Variants in MAP2K4 observed in about 807,000 individuals in gnomAD.
MAP2K4 encodes dual specificity mitogen-activated protein kinase kinase 4.
In MAP2K4, 4 loss-of-function variants were observed where a neutral mutation model predicts 48.5. The ratio of observed to expected loss-of-function variants is 0.08; its 90% CI spans 0.04 to 0.19. The LOEUF (loss-of-function observed/expected upper bound fraction) is 0.19, where lower values mean the gene tolerates loss of function less well. Ranked by LOEUF, MAP2K4 falls within the 10% of genes least tolerant of loss-of-function variation. The pLI is 1.00. For missense variants in MAP2K4, 258 were observed against 493.3 expected (o/e 0.52, Z 4.52); for synonymous variants, 166 against 173.1 (o/e 0.96, Z 0.32).
Position 12,102,210 on chromosome 17 carries a change from G to C in MAP2K4, c.514-5580G>C, listed in dbSNP as rs187152990. On this transcript the variant is annotated intron_variant, in intron 4 of 10. Coordinates refer to ENST00000353533, the MANE Select transcript of MAP2K4 (RefSeq NM_003010.4). ...TACTCCTAGTTTGCTGAGAGATTTTGTCAGGAATGGATGTTAGATTTTTGT... is the reference window on the plus strand; with the variant it reads ...TACTCCTAGTTTGCTGAGAGATTTTCTCAGGAATGGATGTTAGATTTTTGT... Among the ~76,000 whole-genome samples, 6 of 152,080 alleles carry C rather than the reference G, an allele frequency of 3.9e-5. No individual in the cohort carries two copies. The East Asian group carries it at 1.2e-3, about 29-fold the overall frequency.
intron 2 of MAP2K4, among the ~76,000 whole-genome samples, chr17:12,077,054 G>C (rs1228674124): frequency 6.6e-6 from 1 of 152,094 alleles, no homozygotes; most frequent in African/African-American, 2.4e-5. Context: ...TTTTAACCAG[G>C]GTATCAAACA....
intron 2 of MAP2K4, among the ~76,000 whole-genome samples, chr17:12,055,463 A>T (rs1311217804): frequency 6.6e-6 from 1 of 152,106 alleles, no homozygotes; most frequent in African/African-American, 2.4e-5. Flanking sequence ...GTGAAATATT[A>T]AAAAACCTCT....
chr17:12,049,411 C>T (rs1970066058), intron 1 of MAP2K4, among the ~76,000 whole-genome samples: 1 of 152,190 alleles, frequency 6.6e-6, no homozygotes, highest in South Asian at 2.1e-4. Context: ...ATTCAGATTG[C>T]TTTTTGATTA....
chr17:12,059,495 C>A (rs1970383693), intron 2 of MAP2K4, among the ~76,000 whole-genome samples: 1 of 152,172 alleles, frequency 6.6e-6, no homozygotes, highest in African/African-American at 2.4e-5. Flanking sequence ...AAAGAACATC[C>A]CTTTTATCTT....
intron 2 of MAP2K4, among the ~76,000 whole-genome samples, chr17:12,070,031 AAG>A (rs1432008970): frequency 3.4e-5 from 5 of 147,588 alleles, no homozygotes; most frequent in African/African-American, 1.3e-4. Context: ...GCTTAGGAAA[AAG>A]AAGGAAGAAA....
chr17:12,120,257 T>C (rs1437147943), intron 7 of MAP2K4, among the ~76,000 whole-genome samples: 2 of 151,790 alleles, frequency 1.3e-5, no homozygotes, highest in Non-Finnish European at 2.9e-5. Flanking sequence ...AGCCAGGAAT[T>C]CAAGACCAGC....
At chr17:12,107,034 A>AT (rs1972137769) in intron 4 of MAP2K4, among the ~76,000 whole-genome samples, 2 of 151,936 alleles carry the variant, frequency 1.3e-5, no homozygotes. Context: ...TTTCTGTTTT[A>AT]TTGTCAAATT....
chr17:12,048,201 C>T (rs938916971), intron 1 of MAP2K4, among the ~76,000 whole-genome samples: 4 of 152,110 alleles, frequency 2.6e-5, no homozygotes, highest in African/African-American at 9.7e-5. Context: ...GCAGAATGCC[C>T]AACGAAACAG....
At chr17:12,099,213 CAAAA>C (rs202135270) in intron 4 of MAP2K4, among the ~76,000 whole-genome samples, 1 of 126,180 alleles carries the variant, frequency 7.9e-6, no homozygotes, top group Non-Finnish European at 1.7e-5. Context: ...CGTGTTGCTA[CAAAA>C]AAAAAAAAAC....
intron 7 of MAP2K4, among the ~76,000 whole-genome samples, chr17:12,116,388 AACACTGT>A (rs1972493352): frequency 6.6e-6 from 1 of 152,150 alleles, no homozygotes; most frequent in South Asian, 2.1e-4. Context: ...AGACTTTATA[AACACTGT>A]ACACTTAGGC....
At chr17:12,075,797 A>T (rs1426623586) in intron 2 of MAP2K4, among the ~76,000 whole-genome samples, 1 of 152,192 alleles carries the variant, frequency 6.6e-6, no homozygotes, top group Non-Finnish European at 1.5e-5. Flanking sequence ...GTGATAACCA[A>T]TTATTTAATG....
chr17:12,105,930 T>G (rs1972095322), intron 4 of MAP2K4, among the ~76,000 whole-genome samples: 1 of 152,112 alleles, frequency 6.6e-6, no homozygotes, highest in Non-Finnish European at 1.5e-5. Flanking sequence ...AACTATAGTT[T>G]TTAGCACCTG....
At chr17:12,139,932 T>A in intron 10 of MAP2K4, 48 bp downstream of exon 10, 1 of 1,353,346 alleles carries the variant, frequency 7.4e-7, no homozygotes, top group Middle Eastern at 1.9e-4. Flanking sequence ...ACCCCGGAAC[T>A]CTCTTAACAT....
intron 2 of MAP2K4, among the ~76,000 whole-genome samples, chr17:12,059,359 T>C (rs1970380785): frequency 6.6e-6 from 1 of 152,240 alleles, no homozygotes; most frequent in African/African-American, 2.4e-5. Context: ...ATGTTGTGTA[T>C]ATGAATTTGA....
chr17:12,055,643 C>T (rs1469146941), intron 2 of MAP2K4, among the ~76,000 whole-genome samples: 2 of 151,738 alleles, frequency 1.3e-5, no homozygotes, highest in Non-Finnish European at 2.9e-5. Context: ...AGTAATTTCT[C>T]AACAATTTGC....
chr17:12,139,931 C>G (rs760268238), intron 10 of MAP2K4, 47 bp downstream of exon 10: 1 of 1,413,728 alleles, frequency 7.1e-7, no homozygotes, highest in Admixed American at 2.0e-5. Flanking sequence ...AACCCCGGAA[C>G]TCTCTTAACA....
At chr17:12,132,734 T>C (rs1000781715) in intron 9 of MAP2K4, among the ~76,000 whole-genome samples, 1 of 150,954 alleles carries the variant, frequency 6.6e-6, no homozygotes, top group African/African-American at 2.4e-5. Context: ...CAGACAACAG[T>C]ATAGGTTTGA....
chr17:12,023,014 A>G (rs1598009155), intron 1 of MAP2K4, among the ~76,000 whole-genome samples: 1 of 152,180 alleles, frequency 6.6e-6, no homozygotes, highest in African/African-American at 2.4e-5. Context: ...CAGCCCTTGT[A>G]TGTTGATACC....
chr17:12,125,459 C>T (rs1186935389), intron 8 of MAP2K4, 88 bp downstream of exon 8: 3 of 1,001,022 alleles, frequency 3.0e-6, no homozygotes, highest in Non-Finnish European at 3.2e-6. Context: ...CTTCCCCGTT[C>T]GTTAAGAACT....
Sources: gnomAD v4.1 joint callset for allele counts (sites outside exome capture counted in the v4.1 genomes callset) on GRCh38, gnomAD v4.1.1 for gene constraint, MANE v1.5 for transcripts, NCBI Gene and HGNC (gene_info 2026-07-23, HGNC 2026-07-21) for gene names.